IQCJ: variants seen among roughly 807,000 people sequenced by gnomAD.
IQCJ encodes IQ domain-containing protein J.
IQCJ carries 9 observed loss-of-function variants against 11.0 expected under a neutral mutation model. The ratio of observed to expected loss-of-function variants is 0.82; its 90% CI spans 0.49 to 1.43. IQCJ has a LOEUF of 1.43. Ranked by LOEUF, IQCJ falls within the 40% of genes most tolerant of loss-of-function variation. The pLI is 0.00. For missense variants in IQCJ, 146 were observed against 133.2 expected, an observed-to-expected ratio of 1.10 and a Z score of -0.47; for synonymous variants, 55 against 51.3, an observed-to-expected ratio of 1.07 and a Z score of -0.31.
At chr3:159,132,626 T>C (rs1389183270) in intron 1 of IQCJ, among the ~76,000 whole-genome samples, 4 of 152,200 alleles carry the variant, frequency 2.6e-5, no homozygotes, top group Non-Finnish European at 5.9e-5. Context: ...GAAAGAGCCT[T>C]ACTGATCACC....
downstream of IQCJ, chr3:159,265,153 CTT>C (rs1728427946): frequency 7.1e-7 from 1 of 1,415,898 alleles, no homozygotes. Flanking sequence ...TAAAAGAAAA[CTT>C]TATATGTAGT....
At chr3:159,245,738 C>G (rs1050776065) in intron 1 of IQCJ, 105 bp from the exon 2 acceptor site, 1 of 970,422 alleles carries the variant, frequency 1.0e-6, no homozygotes, top group Non-Finnish European at 1.5e-6. Context: ...CAGTCCAGAA[C>G]TCTTAATGTT....
chr3:159,114,537 C>A (rs1000780749), intron 1 of IQCJ, among the ~76,000 whole-genome samples: 1 of 113,894 alleles, frequency 8.8e-6, no homozygotes, highest in African/African-American at 3.3e-5. Flanking sequence ...TCTCGAACTC[C>A]TGACCTCCAG....
chr3:159,110,768 G>A (rs763589135), intron 1 of IQCJ, among the ~76,000 whole-genome samples: 10 of 152,116 alleles, frequency 6.6e-5, no homozygotes, highest in African/African-American at 9.7e-5. Context: ...TGGCATAAAC[G>A]GGCCCAAGGA....
At chr3:159,076,708 A>G (rs980973542) in intron 1 of IQCJ, among the ~76,000 whole-genome samples, 4 of 152,096 alleles carry the variant, frequency 2.6e-5, no homozygotes, top group African/African-American at 9.7e-5. Flanking sequence ...CAGTCCTGGC[A>G]TAGGGTAGGT....
intron 1 of IQCJ, among the ~76,000 whole-genome samples, chr3:159,161,892 C>G (rs992369898): frequency 9.2e-5 from 14 of 152,272 alleles, no homozygotes; most frequent in South Asian, 8.3e-4. Flanking sequence ...TGATCTATAT[C>G]TCTGTTTTGG....
chr3:159,085,841 T>A (rs576621626), intron 1 of IQCJ, among the ~76,000 whole-genome samples: 4 of 151,168 alleles, frequency 2.6e-5, no homozygotes, highest in Non-Finnish European at 5.9e-5. Context: ...GAGTAGGTTG[T>A]GAAAATTTTC....
intron 2 of IQCJ, among the ~76,000 whole-genome samples, chr3:159,249,963 G>A (rs1343631660): frequency 6.6e-6 from 1 of 151,940 alleles, no homozygotes; most frequent in Non-Finnish European, 1.5e-5. Context: ...AATAAACAGA[G>A]AAGAGCAATT....
At chr3:159,131,343 T>C (rs1256634319) in intron 1 of IQCJ, among the ~76,000 whole-genome samples, 1 of 151,512 alleles carries the variant, frequency 6.6e-6, no homozygotes, top group Non-Finnish European at 1.5e-5. Flanking sequence ...ACTTTTCTCC[T>C]TTTCTCTGTG....
At chr3:159,222,503 A>G (rs1725609848) in intron 1 of IQCJ, among the ~76,000 whole-genome samples, 1 of 152,152 alleles carries the variant, frequency 6.6e-6, no homozygotes, top group South Asian at 2.1e-4. Context: ...AGTCAAATTC[A>G]TAGAAACAGA....
At chr3:159,085,487 C>T (rs1464739085) in intron 1 of IQCJ, among the ~76,000 whole-genome samples, 1 of 151,298 alleles carries the variant, frequency 6.6e-6, no homozygotes, top group Non-Finnish European at 1.5e-5. Flanking sequence ...CCTGAGGAAT[C>T]GCCACACTGA....
At chr3:159,215,028 G>A (rs527753703) in intron 1 of IQCJ, among the ~76,000 whole-genome samples, 7 of 152,250 alleles carry the variant, frequency 4.6e-5, no homozygotes, top group Admixed American at 1.3e-4. Context: ...TATTGACTGG[G>A]ACCCCTATAG....
chr3:159,208,765 CTT>C (rs1004776622), intron 1 of IQCJ, among the ~76,000 whole-genome samples: 5 of 152,192 alleles, frequency 3.3e-5, no homozygotes, highest in Non-Finnish European at 2.9e-5. Flanking sequence ...GAAAAAGAAT[CTT>C]TGCAGACATA....
chr3:159,081,531 A>G (rs1716311917), intron 1 of IQCJ, among the ~76,000 whole-genome samples: 1 of 152,128 alleles, frequency 6.6e-6, no homozygotes, highest in Admixed American at 6.6e-5. Flanking sequence ...GTGGTATAAA[A>G]GTATACTGTT....
intron 1 of IQCJ, among the ~76,000 whole-genome samples, chr3:159,201,624 A>ATTTT (rs1553787627): frequency 9.8e-4 from 69 of 70,258 alleles, no homozygotes; most frequent in East Asian, 2.3e-3. Context: ...GTTGATAATG[A>ATTTT]TTCTTTTTTT....
At chr3:159,090,066 C>G (rs1717132607) in intron 1 of IQCJ, among the ~76,000 whole-genome samples, 2 of 151,658 alleles carry the variant, frequency 1.3e-5, no homozygotes, top group African/African-American at 2.4e-5. Flanking sequence ...TACTTTTGGT[C>G]TTTGATGATG....
chr3:159,210,137 G>C (rs997144962), intron 1 of IQCJ, among the ~76,000 whole-genome samples: 9 of 152,274 alleles, frequency 5.9e-5, no homozygotes, highest in African/African-American at 2.2e-4. Context: ...GTGGCCGATG[G>C]GAATGATCTT....
chr3:159,258,614 T>C lies in IQCJ; in HGVS notation c.156-3934T>C, dbSNP rs1577121805. Among the ~76,000 whole-genome samples the C allele has an allele frequency of 3.3e-5, 5 of 152,334 alleles. 1 individual carries two copies. The Middle Eastern group carries it at 0.014, about 415-fold the overall frequency. Reference sequence around the variant, plus strand: ...TTGTTTCCAAGATACTCAGATTCAATGTATCCTCTCTGATGGTGTCCTCTT... The same window carrying C: ...TTGTTTCCAAGATACTCAGATTCAACGTATCCTCTCTGATGGTGTCCTCTT... On this transcript the variant is annotated intron_variant, in intron 3 of 3. Coordinates refer to ENST00000397832, the MANE Select transcript of IQCJ (RefSeq NM_001042706.3).
chr3:159,117,899 GC>G lies in IQCJ; in HGVS notation c.9+48459del, dbSNP rs375613195. On this transcript the variant is annotated intron_variant, in intron 1 of 3. Coordinates refer to ENST00000397832, the MANE Select transcript of IQCJ (RefSeq NM_001042706.3). The stretch of plus-strand genomic sequence containing the variant: ...AGGTTTACTAGCTACTGTGCTAGGA[GC>G]TTCCACATGCATCATTTCACTTAAT... Among the ~76,000 whole-genome samples, 60 of 152,286 alleles carry G rather than the reference GC, an allele frequency of 3.9e-4. No homozygotes were observed. In the East Asian group the frequency reaches 0.011, roughly 28 times the overall value.
Sources: gnomAD v4.1 joint callset for allele counts (sites outside exome capture counted in the v4.1 genomes callset) on GRCh38, gnomAD v4.1.1 for gene constraint, MANE v1.5 for transcripts, NCBI Gene and HGNC (gene_info 2026-07-23, HGNC 2026-07-21) for gene names.